Variants in LUZP1 observed in about 807,000 individuals in gnomAD.
LUZP1 encodes the protein leucine zipper protein 1.
In LUZP1, 25 loss-of-function variants were observed where a neutral mutation model predicts 71.3. The observed-to-expected ratio is 0.35, with a 90% CI of 0.26 to 0.49. The LOEUF (loss-of-function observed/expected upper bound fraction) is 0.49. Ranked by LOEUF, LUZP1 falls within the 20% of genes least tolerant of loss-of-function variation. LUZP1 has a pLI of 0.99. For missense variants in LUZP1, 1,142 were observed against 1,300.8 expected (o/e 0.88, Z 1.88); for synonymous variants, 481 against 506.4 (o/e 0.95, Z 0.67).
At chr1:23,092,433 C>T (rs772044302) in exon 4 of LUZP1, 1 of 1,614,214 alleles carries the variant, frequency 6.2e-7, no homozygotes, top group East Asian at 2.2e-5. Flanking sequence ...CTCTTGGCTT[C>T]TACAGCTATA....
At chr1:23,162,437 C>CT (rs1557694230) in intron 2 of LUZP1, among the ~76,000 whole-genome samples, 3 of 149,906 alleles carry the variant, frequency 2.0e-5, no homozygotes, top group African/African-American at 7.5e-5. Context: ...ACGTAATATA[C>CT]TTTTATTTTT....
At chr1:23,111,814 C>T (rs757862349) in intron 2 of LUZP1, among the ~76,000 whole-genome samples, 3 of 151,732 alleles carry the variant, frequency 2.0e-5, no homozygotes, top group Non-Finnish European at 4.4e-5. Context: ...ACCGCCCCCC[C>T]ACACACACAC....
chr1:23,085,645 T>C (rs1643753694), exon 5 of LUZP1: 1 of 152,192 alleles, frequency 6.6e-6, no homozygotes. Context: ...AAGAACACTA[T>C]AGTGCCCCCT....
intron 2 of LUZP1, among the ~76,000 whole-genome samples, chr1:23,124,892 C>A (rs182053026): frequency 6.6e-6 from 1 of 152,072 alleles, no homozygotes; most frequent in African/African-American, 2.4e-5. Context: ...CATTCTAATG[C>A]CCTTTCAAAC....
intron 3 of LUZP1, among the ~76,000 whole-genome samples, chr1:23,103,671 T>C (rs767849393): frequency 1.8e-4 from 28 of 152,032 alleles, no homozygotes; most frequent in South Asian, 1.0e-3. Context: ...TAAATTTATT[T>C]ACATTGATTC....
At chr1:23,172,878 G>A (rs892642693) in intron 1 of LUZP1, among the ~76,000 whole-genome samples, 2 of 151,710 alleles carry the variant, frequency 1.3e-5, no homozygotes, top group Non-Finnish European at 2.9e-5. Context: ...CTGTTGCTCA[G>A]GCTAGAGTGC....
Position 23,092,856 on chromosome 1 carries a change from TC to T in LUZP1, c.1405del (p.Glu469SerfsTer6). 1 of 1,613,838 alleles carries T rather than the reference TC, an allele frequency of 6.2e-7. No individual in the cohort carries two copies. The highest frequency in any genetic ancestry group is 1.3e-5 in the African/African-American group (1 of 74,986). The stretch of plus-strand genomic sequence containing the variant: ...GTAGCGACTCAGCACTGAGGGCTGC[TC>T]CCTAGACTTCTTCCCTTCGCTCTGG... On this transcript the variant is annotated frameshift_variant, in exon 4 of 5. Transcript: ENST00000302291. LOFTEE classifies it high-confidence loss of function.
At chr1:23,085,467 T>C (rs935907759) in exon 5 of LUZP1, 14 of 152,506 alleles carry the variant, frequency 9.2e-5, no homozygotes, top group African/African-American at 3.4e-4. Context: ...AAATAATCCC[T>C]AAAAGCAGCT....
chr1:23,091,153 G>C (rs751135624), intron 4 of LUZP1, 37 bp downstream of exon 3: 1 of 1,549,510 alleles, frequency 6.5e-7, no homozygotes, highest in Non-Finnish European at 8.7e-7. Context: ...GGAAAAGGGA[G>C]GGAGAAAAGA....
intron 3 of LUZP1, among the ~76,000 whole-genome samples, chr1:23,099,723 T>C (rs569781412): frequency 7.9e-5 from 12 of 152,166 alleles, no homozygotes; most frequent in Non-Finnish European, 1.8e-4. Flanking sequence ...AATCAACTAG[T>C]ACAGGCAATG....
intron 2 of LUZP1, among the ~76,000 whole-genome samples, chr1:23,154,763 C>T (rs1644409777): frequency 7.0e-6 from 1 of 143,458 alleles, no homozygotes; most frequent in South Asian, 2.2e-4. Flanking sequence ...ACTGTGTTAG[C>T]CAGGGTGGTC....
chr1:23,161,814 G>T (rs1283806388), intron 2 of LUZP1, among the ~76,000 whole-genome samples: 1 of 152,022 alleles, frequency 6.6e-6, no homozygotes, highest in Non-Finnish European at 1.5e-5. Context: ...AAGAGGTCAG[G>T]AGTTCATGGC....
rs544260611 is a variant in LUZP1, at chr1:23,132,515, A to T, written c.-225-23388T>A. ...CTTCAAGAGAACACTTCTTGTTTAA[A>T]AAAAAAAAAAAAACTATAAAAGACA... On this transcript the variant is annotated intron_variant, in intron 2 of 4. Transcript: ENST00000302291. Among the ~76,000 whole-genome samples, 14 of 149,280 alleles carry T rather than the reference A, an allele frequency of 9.4e-5. No individual in the cohort carries two copies. In the South Asian group the frequency reaches 2.7e-3, roughly 29 times the overall value.
chr1:23,141,319 G>A (rs2867314), intron 2 of LUZP1, among the ~76,000 whole-genome samples: 26,511 of 152,188 alleles, frequency 0.17, 2,459 homozygotes, highest in Middle Eastern at 0.3. Flanking sequence ...GCCTTGGGCA[G>A]TGCCCTCCCA....
At chr1:23,105,864 T>A (rs1643977003) in intron 3 of LUZP1, among the ~76,000 whole-genome samples, 1 of 150,364 alleles carries the variant, frequency 6.7e-6, no homozygotes, top group South Asian at 2.1e-4. Flanking sequence ...CAGGTAAAAT[T>A]TTTTTTTTTG....
intron 2 of LUZP1, among the ~76,000 whole-genome samples, chr1:23,111,370 A>G (rs916528242): frequency 1.3e-4 from 20 of 151,122 alleles, no homozygotes; most frequent in African/African-American, 4.9e-4. Context: ...GGACAACAAC[A>G]AAGCAAGGCC....
At chr1:23,142,748 C>G (rs1377598800) in intron 2 of LUZP1, among the ~76,000 whole-genome samples, 5 of 143,632 alleles carry the variant, frequency 3.5e-5, no homozygotes, top group African/African-American at 1.3e-4. Context: ...CACACACACA[C>G]ACAGATTTTT....
At chr1:23,113,748 C>T (rs1644054564) in intron 2 of LUZP1, among the ~76,000 whole-genome samples, 1 of 150,746 alleles carries the variant, frequency 6.6e-6, no homozygotes, top group Non-Finnish European at 1.5e-5. Flanking sequence ...GGTGTTGTGG[C>T]GCGCGCCTGT....
intron 2 of LUZP1, among the ~76,000 whole-genome samples, chr1:23,113,525 G>A (rs1424336619): frequency 6.6e-6 from 1 of 152,080 alleles, no homozygotes; most frequent in Non-Finnish European, 1.5e-5. Context: ...CAACCCAGAT[G>A]CTGAAATTCT....
Sources: allele counts gnomAD v4.1 joint callset (sites outside exome capture counted in the v4.1 genomes callset), GRCh38; gene constraint gnomAD v4.1.1; transcripts MANE v1.5; gene names NCBI Gene and HGNC (gene_info 2026-07-23, HGNC 2026-07-21).